The following INTS11 variants were observed in gnomAD, a reference collection of about 807,000 sequenced individuals.
INTS11 encodes the protein CPSF3-like protein.
INTS11 carries 77 observed loss-of-function variants against 78.6 expected under a neutral mutation model. That is an observed-to-expected ratio of 0.98 (90% CI 0.81 to 1.18). The LOEUF (loss-of-function observed/expected upper bound fraction) is 1.18, where lower values mean the gene tolerates loss of function less well. INTS11 is among the 50% of genes most tolerant of loss of function. INTS11 has a pLI of 0.00. For missense variants in INTS11, 875 were observed against 825.9 expected (o/e 1.06, Z -0.73); for synonymous variants, 441 against 326.9 (o/e 1.35, Z -3.77).
rs1258231406 is a variant in INTS11 at position 1,312,492 on chromosome 1, G to A, written c.1412C>T (p.Pro471Leu). 4 of 1,581,080 alleles carry A rather than the reference G, an allele frequency of 2.5e-6. No homozygotes were observed. Among genetic ancestry groups the A allele is most frequent in the South Asian group, 2.3e-5 (2 of 87,640 alleles). ...LKREMAQGLL[P>L]EAKKPRLLHG... ...CAGGAGCCGAGGCTTCTTGGCCTCA[G>A]GGAGCAGCCCTGCGGAGGAGGTGGC... Residue 471 changes from proline to leucine, a missense_variant, in exon 14 of 17, where the codon CCT becomes CTT. By Grantham distance (98) the Pro-to-Leu change is moderately conservative (BLOSUM62 -3). Coordinates refer to ENST00000435064, the MANE Select transcript of INTS11 (RefSeq NM_017871.6).
rs1642309068 is a variant in INTS11 at position 1,312,806 on chromosome 1, C to G, written c.1275G>C (p.Gln425His). The change falls in exon 12 of 17, where the codon CAG becomes CAC. Residue 425 changes from glutamine to histidine, a missense_variant. Physicochemically the swap from Gln to His is conservative, Grantham distance 24 (BLOSUM62 0). Transcript: ENST00000435064. ...GEAKKMEFLK[Q>H]KIEQELRVNC... ...GCCTACGGAGCTCCTGCTCGATCTT[C>G]TGCTTCAGGAACTCCATCTTCTTGG... 1.2e-6 allele frequency: 2 copies of G among 1,609,452 alleles called. No individual in the cohort carries two copies. Among genetic ancestry groups the G allele is most frequent in the African/African-American group, 1.3e-5 (1 of 74,908 alleles).
intron 6 of INTS11, 80 bp from the exon 7 acceptor site, chr1:1,315,042 A>C: frequency 1.3e-6 from 2 of 1,545,308 alleles, no homozygotes; most frequent in Non-Finnish European, 1.8e-6. Context: ...GCTGGACCCC[A>C]GTACCACGCC....
At chr1:1,315,039 C>T in intron 6 of INTS11, 77 bp from the exon 7 acceptor site, 1 of 1,550,410 alleles carries the variant, frequency 6.4e-7, no homozygotes, top group Non-Finnish European at 8.8e-7. Context: ...CAAGCTGGAC[C>T]CCAGTACCAC....
intron 4 of INTS11, chr1:1,315,828 CG>C (rs1221033034): frequency 2.9e-4 from 1 of 3,396 alleles, no homozygotes; most frequent in African/African-American, 1.6e-3. Flanking sequence ...GTGAGGGGGG[CG>C]GGGGCAGGGA....
intron 1 of INTS11, chr1:1,321,860 G>T: frequency 8.0e-7 from 1 of 1,256,154 alleles, no homozygotes; most frequent in Non-Finnish European, 1.0e-6. Flanking sequence ...CTGTGCCTGG[G>T]CAGGAGTCTG....
In INTS11 at chr1:1,319,314, G is replaced by A. The variant is rs145964828; in HGVS notation, c.411C>T (p.His137=). The part of the protein sequence containing the change: ...KDCMKKVVAV[H]LHQTVQVDDE... The stretch of plus-strand genomic sequence containing the variant: ...ACCTGACCTGGACCGTCTGGTGGAG[G>A]TGGACAGCCACCACCTTCTTCATGC... The change falls in exon 4 of 17, where the codon CAC becomes CAT. Residue 137 remains histidine, a synonymous_variant. Transcript: ENST00000435064. 1.8e-4 allele frequency: 284 copies of A among 1,613,078 alleles called. 1 individual carries two copies. The highest frequency in any genetic ancestry group is 2.3e-4 in the Non-Finnish European group (273 of 1,179,990).
At chr1:1,323,106 G>T (rs367745739) in intron 1 of INTS11, 1 of 1,527,788 alleles carries the variant, frequency 6.5e-7, no homozygotes, top group Non-Finnish European at 8.8e-7. Flanking sequence ...ATGCCATGGG[G>T]TGTGCACAGG....
In INTS11 at chr1:1,314,776, C is replaced by A; in HGVS notation, c.702+48G>T. ...GGGCAGCCAAGCCTGCCAGAAAGAC[C>A]AGCCCAGCATGGCCGAGGGCCCATG... On this transcript the variant is annotated intron_variant, in intron 7 of 16. Transcript: ENST00000435064. The surrounding 1 kb of genome is among the most constrained non-coding windows in gnomAD (Gnocchi z 4.2). The A allele has an allele frequency of 3.8e-6, 6 of 1,575,036 alleles. No homozygotes were observed. The highest frequency in any genetic ancestry group is 1.7e-4 in the Middle Eastern group (1 of 5,874).
chr1:1,323,776 G>T (rs906454425), intron 1 of INTS11, among the ~76,000 whole-genome samples: 1 of 144,092 alleles, frequency 6.9e-6, no homozygotes, highest in Non-Finnish European at 1.5e-5. Flanking sequence ...CAGAAATCAG[G>T]TAGAACAAGA....
intron 1 of INTS11, among the ~76,000 whole-genome samples, chr1:1,321,683 C>G (rs1027609431): frequency 1.3e-5 from 2 of 152,244 alleles, no homozygotes; most frequent in East Asian, 1.9e-4. Flanking sequence ...CCACTGCACA[C>G]CATGCAGCCC....
rs1286114506 is a variant in INTS11, at chr1:1,317,546, G to A, written c.429+1750C>T. 31 of 663,688 alleles carry A rather than the reference G, an allele frequency of 4.7e-5. No homozygotes were observed. The Admixed American group carries it at 1.6e-3, about 34-fold the overall frequency. The allele number at this position is 663,688 out of a possible 1,614,324, so 41.1% of individuals were successfully genotyped here. On this transcript the variant is annotated intron_variant, in intron 4 of 16. Transcript: ENST00000435064. ...ACAGATGACGGAGTTTCAAGAGGTTGAACGTCAGGCTCTCGGGGTCCCTGG... is the reference window on the plus strand; with the variant it reads ...ACAGATGACGGAGTTTCAAGAGGTTAAACGTCAGGCTCTCGGGGTCCCTGG...
In INTS11 at chr1:1,319,466, C is replaced by G; in HGVS notation, c.259G>C (p.Asp87His). Residue 87 changes from aspartate to histidine, a missense_variant, in exon 4 of 17, where the codon GAC (aspartate) becomes CAC (histidine). By Grantham distance (81) the Asp-to-His change is moderately conservative. Transcript: ENST00000435064. ...GGGTGAGTCATGTAGATGGGCCCGT[C>G]GTAGCCCACCATCTCGCTGAAGTAG... ...LPYFSEMVGYDGPIYMTHPTQ... is the reference protein window; with the variant it reads ...LPYFSEMVGYHGPIYMTHPTQ... 1 of 1,609,014 alleles carries G rather than the reference C, an allele frequency of 6.2e-7. No homozygotes were observed. The highest frequency in any genetic ancestry group is 8.5e-7 in the Non-Finnish European group (1 of 1,177,324).
At chr1:1,323,750 A>G (rs1054581293) in intron 1 of INTS11, among the ~76,000 whole-genome samples, 2 of 147,470 alleles carry the variant, frequency 1.4e-5, no homozygotes, top group Admixed American at 6.9e-5. Flanking sequence ...GTTTTTTGCT[A>G]TTTTTTTCAG....
chr1:1,318,689 A>G (rs76511663), intron 4 of INTS11: 4 of 465,554 alleles, frequency 8.6e-6, no homozygotes, highest in African/African-American at 2.0e-5. Context: ...AAAAAGATAA[A>G]CATACTTCAT....
chr1:1,315,483 C>G, intron 5 of INTS11, 37 bp downstream of exon 5: 1 of 1,612,916 alleles, frequency 6.2e-7, no homozygotes, highest in Non-Finnish European at 8.5e-7. Context: ...CCTCCCACCC[C>G]AGCAGCCCCT....
In INTS11 at chr1:1,324,572, C is replaced by T. The variant is rs777227389; in HGVS notation, c.28+9G>A. On this transcript the variant is annotated intron_variant, in intron 1 of 16. Coordinates refer to ENST00000435064, the MANE Select transcript of INTS11 (RefSeq NM_017871.6). ...CCACCCCACAGCCCTCCCGGCGGCT[C>T]CCACTCACCCAAGGGCGTGACTCTG... The T allele has an allele frequency of 4.6e-5, 73 of 1,590,866 alleles. No individual in the cohort carries two copies. The Admixed American group carries it at 1.2e-3, about 27-fold the overall frequency.
intron 4 of INTS11, among the ~76,000 whole-genome samples, chr1:1,315,982 G>C (rs1217918629): frequency 6.6e-6 from 1 of 152,212 alleles, no homozygotes; most frequent in Non-Finnish European, 1.5e-5. Flanking sequence ...CCTGAAATTG[G>C]AGTTTCCAGC....
chr1:1,313,876 C>T lies in INTS11; in HGVS notation c.813G>A (p.Leu271=). The T allele has an allele frequency of 6.2e-7, 1 of 1,613,176 alleles. No homozygotes were observed. The highest frequency in any genetic ancestry group is 8.5e-7 in the Non-Finnish European group (1 of 1,179,948). ...LKVPIYFSTG[L]TEKANHYYKL... ...TGTAGTAGTGGTTGGCCTTCTCGGT[C>T]AGCCCCGTGGAGAAGTAGATGGGCA... Residue 271 remains leucine (L), a synonymous_variant, in exon 9 of 17, where the codon CTG becomes CTA. Transcript: ENST00000435064.
At chr1:1,318,967 G>A (rs1034865114) in intron 4 of INTS11, 14 of 717,126 alleles carry the variant, frequency 2.0e-5, no homozygotes, top group Middle Eastern at 2.3e-4. Context: ...GAGCTCCAGC[G>A]AGTCTCTGGC....
Sources: gnomAD v4.1 joint callset for allele counts (sites outside exome capture counted in the v4.1 genomes callset) on GRCh38, gnomAD v4.1.1 for gene constraint, Gnocchi (gnomAD v3.1) non-coding constraint, MANE v1.5 for transcripts, NCBI Gene and HGNC (gene_info 2026-07-23, HGNC 2026-07-21) for gene names.